The following ANAPC10 variants were observed in gnomAD, a reference collection of about 807,000 sequenced individuals.
ANAPC10 encodes anaphase-promoting complex subunit 10.
In ANAPC10, 12 loss-of-function variants were observed where a neutral mutation model predicts 22.0. The observed-to-expected ratio is 0.55, with a 90% CI of 0.35 to 0.88. The LOEUF (loss-of-function observed/expected upper bound fraction) is 0.88. Among genes scored for constraint, ANAPC10 ranks in the 40% least tolerant of loss-of-function variants. The pLI, the probability that ANAPC10 is intolerant of heterozygous loss-of-function variation, is 0.01. For missense variants in ANAPC10, 188 were observed against 220.9 expected (o/e 0.85, Z 0.94); for synonymous variants, 65 against 69.5 (o/e 0.94, Z 0.32).
chr4:145,094,802 A>T (rs1579186528), intron 2 of ANAPC10, among the ~76,000 whole-genome samples: 1 of 152,186 alleles, frequency 6.6e-6, no homozygotes, highest in East Asian at 1.9e-4. Context: ...TACTTAGGAA[A>T]AAAAAAAAAG....
In ANAPC10 at chr4:145,024,537, A is replaced by C. The variant is rs1736390900; in HGVS notation, c.328-28934T>G. On this transcript the variant is annotated intron_variant, in intron 4 of 4. Transcript: ENST00000507656. ...TAATTTCCTTGTACATCTCCATCAA[A>C]GCTCTTGGGTGACTAGGTACATTGT... Among the ~76,000 whole-genome samples, 4 of 152,318 alleles carry C rather than the reference A, an allele frequency of 2.6e-5. No individual in the cohort carries two copies. In the South Asian group the frequency reaches 8.3e-4, roughly 32 times the overall value.
At chr4:145,069,795 T>C (rs1270500231) in intron 3 of ANAPC10, among the ~76,000 whole-genome samples, 2 of 152,084 alleles carry the variant, frequency 1.3e-5, no homozygotes, top group Non-Finnish European at 2.9e-5. Context: ...CAGGCTGACA[T>C]GGGATATTGT....
chr4:145,073,446 T>G (rs1004399364), intron 3 of ANAPC10, among the ~76,000 whole-genome samples: 1 of 152,214 alleles, frequency 6.6e-6, no homozygotes, highest in African/African-American at 2.4e-5. Context: ...TTATAAAGTT[T>G]AAAATTTATG....
chr4:145,060,932 T>C (rs564086467), intron 4 of ANAPC10, among the ~76,000 whole-genome samples: 1 of 152,178 alleles, frequency 6.6e-6, no homozygotes, highest in South Asian at 2.1e-4. Context: ...ATAAATCTCA[T>C]ACAAAGATGT....
chr4:145,044,062 C>G (rs1739917783), intron 4 of ANAPC10, among the ~76,000 whole-genome samples: 1 of 151,972 alleles, frequency 6.6e-6, no homozygotes, highest in Non-Finnish European at 1.5e-5. Context: ...CCAACACTTT[C>G]CCCCTTCCTC....
chr4:145,007,106 T>C (rs934574850), intron 4 of ANAPC10, among the ~76,000 whole-genome samples: 7 of 152,092 alleles, frequency 4.6e-5, no homozygotes, highest in Non-Finnish European at 7.3e-5. Context: ...TAAATATATA[T>C]GCACCCAATA....
chr4:145,007,445 G>A (rs930008328), intron 4 of ANAPC10, among the ~76,000 whole-genome samples: 1 of 150,824 alleles, frequency 6.6e-6, no homozygotes, highest in African/African-American at 2.5e-5. Context: ...CTGTCTCTCA[G>A]ACCACAATGC....
chr4:144,997,922 G>A (rs1019742501), intron 4 of ANAPC10, among the ~76,000 whole-genome samples: 5 of 152,088 alleles, frequency 3.3e-5, no homozygotes, highest in African/African-American at 1.2e-4. Context: ...AAAACCAGGG[G>A]TTGCAATCCT....
At chr4:145,047,025 T>C (rs1474829449) in intron 4 of ANAPC10, among the ~76,000 whole-genome samples, 2 of 152,102 alleles carry the variant, frequency 1.3e-5, no homozygotes, top group East Asian at 1.9e-4. Flanking sequence ...CTATACATAT[T>C]AGGTTCATGG....
At chr4:145,048,629 T>C (rs1461463844) in intron 4 of ANAPC10, among the ~76,000 whole-genome samples, 1 of 152,016 alleles carries the variant, frequency 6.6e-6, no homozygotes, top group Non-Finnish European at 1.5e-5. Flanking sequence ...CCTCCCTCAA[T>C]ATAGGTCCAT....
chr4:145,071,207 G>T lies in ANAPC10; in HGVS notation c.207-6515C>A, dbSNP rs1744439587. Among the ~76,000 whole-genome samples, 6 of 152,152 alleles carry T rather than the reference G, an allele frequency of 3.9e-5. No individual in the cohort carries two copies. The South Asian group carries it at 1.2e-3, about 32-fold the overall frequency. On this transcript the variant is annotated intron_variant, in intron 3 of 4. Coordinates refer to ENST00000507656, the MANE Select transcript of ANAPC10 (RefSeq NM_001256706.2). ...AGAGCACCTGAAGTTGGGATTTCGAGAATAGCCCGACCAACATGGAGAAAC... is the reference window on the plus strand; with the variant it reads ...AGAGCACCTGAAGTTGGGATTTCGATAATAGCCCGACCAACATGGAGAAAC...
At chr4:145,026,945 A>ATATATG (rs1287102797) in intron 4 of ANAPC10, among the ~76,000 whole-genome samples, 933 of 17,078 alleles carry the variant, frequency 0.055, 72 homozygotes, top group Non-Finnish European at 0.088. Flanking sequence ...ATATATATAT[A>ATATATG]TGTGTGTGTG....
chr4:145,034,484 C>T (rs1362227886), intron 4 of ANAPC10, among the ~76,000 whole-genome samples: 3 of 141,858 alleles, frequency 2.1e-5, no homozygotes, highest in Non-Finnish European at 4.5e-5. Flanking sequence ...TATTGTGGGA[C>T]CTTGTGATTC....
chr4:145,081,749 T>C lies in ANAPC10; in HGVS notation c.117A>G (p.Gly39=). Residue 39 remains glycine (G), a splice_region_variant and synonymous_variant, in exon 3 of 5, where the codon GGA becomes GGG. Coordinates refer to ENST00000507656, the MANE Select transcript of ANAPC10 (RefSeq NM_001256706.2). ...CATCTCGTAACTGATCCACTCCAAA[T>C]CCTAAAAACACCAAAAGTGTCAATA... is the stretch of plus-strand genomic sequence containing the variant. ...AVWSLSSCKP[G]FGVDQLRDDN... 1 of 1,609,422 alleles carries C rather than the reference T, an allele frequency of 6.2e-7. No homozygotes were observed. The highest frequency in any genetic ancestry group is 8.5e-7 in the Non-Finnish European group (1 of 1,177,006).
chr4:145,097,741 C>T, intron 1 of ANAPC10: 2 of 357,702 alleles, frequency 5.6e-6, no homozygotes, highest in South Asian at 4.2e-5. Context: ...ACCATCATTA[C>T]TAACTGAATG....
chr4:145,037,462 G>A (rs1238707346), intron 4 of ANAPC10, among the ~76,000 whole-genome samples: 1 of 151,894 alleles, frequency 6.6e-6, no homozygotes, highest in Admixed American at 6.6e-5. Context: ...AGAAAGAAAG[G>A]TTAAAACTAG....
intron 4 of ANAPC10, among the ~76,000 whole-genome samples, chr4:145,030,714 G>C (rs964350381): frequency 6.6e-6 from 1 of 152,196 alleles, no homozygotes; most frequent in African/African-American, 2.4e-5. Context: ...GACTGGTAGG[G>C]TGAGAACTAT....
At chr4:144,998,839 G>T (rs974519662) in intron 4 of ANAPC10, among the ~76,000 whole-genome samples, 2 of 151,968 alleles carry the variant, frequency 1.3e-5, no homozygotes, top group African/African-American at 4.8e-5. Context: ...CTGGTTTTTT[G>T]AAAATATCAA....
At chr4:145,073,191 AT>A (rs760544567) in intron 3 of ANAPC10, among the ~76,000 whole-genome samples, 2 of 152,154 alleles carry the variant, frequency 1.3e-5, no homozygotes, top group Non-Finnish European at 2.9e-5. Context: ...ACTGCACCCA[AT>A]CTACTATTTT....
Sources: gnomAD v4.1 joint callset for allele counts (sites outside exome capture counted in the v4.1 genomes callset) on GRCh38, gnomAD v4.1.1 for gene constraint, MANE v1.5 for transcripts, NCBI Gene and HGNC (gene_info 2026-07-23, HGNC 2026-07-21) for gene names.